PITPNC1: variants seen among roughly 807,000 people sequenced by gnomAD.
The protein encoded by PITPNC1 is cytoplasmic phosphatidylinositol transfer protein 1.
In PITPNC1, 18 loss-of-function variants were observed where a neutral mutation model predicts 44.7. The ratio of observed to expected loss-of-function variants is 0.40; its 90% CI spans 0.28 to 0.60. The LOEUF (loss-of-function observed/expected upper bound fraction) is 0.60. Among genes scored for constraint, PITPNC1 ranks in the 20% least tolerant of loss-of-function variants. The pLI is 0.39. For synonymous variants in PITPNC1, 141 were observed against 149.6 expected, an observed-to-expected ratio of 0.94 and a Z score of 0.42; for missense variants, 290 against 418.4, an observed-to-expected ratio of 0.69 and a Z score of 2.68.
At chr17:67,578,758 C>T (rs1323935880) in intron 5 of PITPNC1, among the ~76,000 whole-genome samples, 1 of 152,170 alleles carries the variant, frequency 6.6e-6, no homozygotes, top group African/African-American at 2.4e-5. Flanking sequence ...GAGGCAGGCA[C>T]ATCACCTGAG....
intron 5 of PITPNC1, among the ~76,000 whole-genome samples, chr17:67,628,026 A>C (rs1186669391): frequency 6.7e-6 from 1 of 149,878 alleles, no homozygotes; most frequent in South Asian, 2.1e-4. Flanking sequence ...TCCCGAGTTC[A>C]AGCGATTCTC....
intron 1 of PITPNC1, among the ~76,000 whole-genome samples, chr17:67,499,083 AGGCTG>A (rs2039994510): frequency 6.6e-6 from 1 of 152,136 alleles, no homozygotes; most frequent in Non-Finnish European, 1.5e-5. Context: ...CATGTTAGCC[AGGCTG>A]GTCTCGAACT....
At chr17:67,558,241 C>A (rs923371725) in intron 4 of PITPNC1, among the ~76,000 whole-genome samples, 1 of 152,010 alleles carries the variant, frequency 6.6e-6, no homozygotes, top group African/African-American at 2.4e-5. Context: ...TGTGGAAATG[C>A]CATTTGCCCA....
intron 6 of PITPNC1, among the ~76,000 whole-genome samples, chr17:67,637,607 G>A (rs1311466521): frequency 6.6e-6 from 1 of 152,134 alleles, no homozygotes; most frequent in African/African-American, 2.4e-5. Flanking sequence ...CCTCTCTCAT[G>A]AAGGTGACCA....
At chr17:67,632,509 C>T in intron 6 of PITPNC1, 2 of 432,270 alleles carry the variant, frequency 4.6e-6, no homozygotes, top group South Asian at 3.7e-5. Context: ...ATCCATAGGG[C>T]TGGACCATCC....
chr17:67,534,035 C>T (rs1313988424), intron 2 of PITPNC1, among the ~76,000 whole-genome samples: 1 of 152,022 alleles, frequency 6.6e-6, no homozygotes, highest in East Asian at 1.9e-4. Context: ...GCTGGGATTA[C>T]AGGTATCTAC....
In PITPNC1 at chr17:67,428,517, A is replaced by C. The variant is rs1369553938; in HGVS notation, c.48+50315A>C. Among the ~76,000 whole-genome samples the C allele has an allele frequency of 4.6e-5, 7 of 151,270 alleles. No homozygotes were observed. In the East Asian group the frequency reaches 1.4e-3, roughly 29 times the overall value. Reference sequence around the variant, plus strand: ...TACTGCACTTCAGCCTGGGCAACAGAGTGAGACCCTATCTCAAAAAGAAAA... The same window carrying C: ...TACTGCACTTCAGCCTGGGCAACAGCGTGAGACCCTATCTCAAAAAGAAAA... On this transcript the variant is annotated intron_variant, in intron 1 of 8. Coordinates refer to ENST00000581322, the MANE Select transcript of PITPNC1 (RefSeq NM_012417.4).
chr17:67,536,355 C>T (rs539458587), intron 2 of PITPNC1, among the ~76,000 whole-genome samples: 2 of 152,228 alleles, frequency 1.3e-5, no homozygotes, highest in Admixed American at 1.3e-4. Context: ...TCCCGAGTAG[C>T]TGGGACTACA....
intron 4 of PITPNC1, among the ~76,000 whole-genome samples, chr17:67,556,304 G>A (rs2040837892): frequency 6.6e-6 from 1 of 152,194 alleles, no homozygotes; most frequent in Admixed American, 6.5e-5. Context: ...TCAGTATCAT[G>A]GTGCTGGGGA....
chr17:67,532,159 C>T (rs2040470340), intron 1 of PITPNC1, among the ~76,000 whole-genome samples: 1 of 152,208 alleles, frequency 6.6e-6, no homozygotes, highest in Non-Finnish European at 1.5e-5. Context: ...GTTAAAAGTA[C>T]TGTAGGTGGT....
At chr17:67,560,444 A>G (rs890708300) in intron 4 of PITPNC1, among the ~76,000 whole-genome samples, 1 of 152,242 alleles carries the variant, frequency 6.6e-6, no homozygotes, top group African/African-American at 2.4e-5. Flanking sequence ...CAGAACCCGT[A>G]AGTTCCTTTT....
chr17:67,417,474 C>T (rs943536711), intron 1 of PITPNC1, among the ~76,000 whole-genome samples: 1 of 152,148 alleles, frequency 6.6e-6, no homozygotes, highest in Non-Finnish European at 1.5e-5. Context: ...ATGGTGTCAG[C>T]AAGGAAAGAG....
At chr17:67,587,875 ATG>A (rs1220475170) in intron 5 of PITPNC1, among the ~76,000 whole-genome samples, 4 of 152,208 alleles carry the variant, frequency 2.6e-5, no homozygotes, top group Admixed American at 6.5e-5. Flanking sequence ...TTGGAGAGAA[ATG>A]TTCTCTTCCT....
At chr17:67,571,389 C>T (rs2041055292) in intron 4 of PITPNC1, among the ~76,000 whole-genome samples, 1 of 152,140 alleles carries the variant, frequency 6.6e-6, no homozygotes, top group South Asian at 2.1e-4. Flanking sequence ...CTGAGCTATA[C>T]TGCATTCAAG....
At position 67,662,922 on chromosome 17, in the gene PITPNC1, G is replaced by A. The variant is rs115517923; in HGVS notation, c.463-6586G>A. Among the ~76,000 whole-genome samples, 399 of 152,160 alleles carry A rather than the reference G, an allele frequency of 2.6e-3. 3 individuals carry two copies. The highest frequency in any genetic ancestry group is 9.1e-3 in the African/African-American group (379 of 41,502). ...TGGACATGATTTCATTCTTTTTTAT[G>A]GCTGTGTAGTATTCCATGGGCACCT... On this transcript the variant is annotated intron_variant, in intron 6 of 8. Coordinates refer to ENST00000581322, the MANE Select transcript of PITPNC1 (RefSeq NM_012417.4).
intron 1 of PITPNC1, among the ~76,000 whole-genome samples, chr17:67,465,660 G>A (rs917914403): frequency 2.0e-5 from 3 of 152,174 alleles, no homozygotes; most frequent in African/African-American, 7.2e-5. Flanking sequence ...ATAGGGAAAT[G>A]AGGCTCCTCT....
intron 1 of PITPNC1, among the ~76,000 whole-genome samples, chr17:67,416,160 T>A (rs2038585017): frequency 6.6e-6 from 1 of 150,680 alleles, no homozygotes; most frequent in Admixed American, 6.6e-5. Flanking sequence ...GTCCTTTTTT[T>A]GTACATAAAT....
chr17:67,617,869 A>G (rs2041779998), intron 5 of PITPNC1, among the ~76,000 whole-genome samples: 1 of 152,160 alleles, frequency 6.6e-6, no homozygotes. Flanking sequence ...GGATGACTTC[A>G]TCTCAAGATC....
At chr17:67,467,608 A>G (rs1334905368) in intron 1 of PITPNC1, among the ~76,000 whole-genome samples, 3 of 152,132 alleles carry the variant, frequency 2.0e-5, no homozygotes, top group Admixed American at 1.3e-4. Context: ...TAGGAGTCTA[A>G]TGAGATCTGC....
Sources: allele counts gnomAD v4.1 joint callset (sites outside exome capture counted in the v4.1 genomes callset), GRCh38; gene constraint gnomAD v4.1.1; transcripts MANE v1.5; gene names NCBI Gene and HGNC (gene_info 2026-07-23, HGNC 2026-07-21).